Variants in PSMD11 observed in about 807,000 individuals in gnomAD.
The protein encoded by PSMD11 is 26S proteasome non-ATPase regulatory subunit 11.
Under a neutral mutation model 62.3 loss-of-function variants are expected in PSMD11, and 5 were observed. The observed-to-expected ratio is 0.08, with a 90% CI of 0.04 to 0.17. The LOEUF (loss-of-function observed/expected upper bound fraction) is 0.17, where lower values mean the gene tolerates loss of function less well. Among genes scored for constraint, PSMD11 ranks in the 10% least tolerant of loss-of-function variants. The pLI, the probability that PSMD11 is intolerant of heterozygous loss-of-function variation, is 1.00. For synonymous variants in PSMD11, 191 were observed against 191.8 expected (o/e 1.00, Z 0.03); for missense variants, 310 against 512.9 (o/e 0.60, Z 3.82).
At chr17:32,477,362 C>T in intron 8 of PSMD11, 159 bp from the exon 9 acceptor site, 1 of 519,298 alleles carries the variant, frequency 1.9e-6, no homozygotes, top group Non-Finnish European at 3.3e-6. Flanking sequence ...GTATTCAGTA[C>T]TTGCGGCTCT....
Position 32,480,615 on chromosome 17 carries a change from C to A in PSMD11, c.1253C>A (p.Ala418Asp). Residue 418 changes from alanine to aspartate, a missense_variant, in exon 13 of 14, where the codon GCC becomes GAC. Ala to Asp is a moderately radical substitution (Grantham distance 126, BLOSUM62 -2). Coordinates refer to ENST00000261712, the MANE Select transcript of PSMD11 (RefSeq NM_002815.4). ...SKVVDSLYNK[A>D]KKLT ...GTAGTGGATTCCCTCTACAACAAAGCCAAGAAACTGACATAGGTGAGTGCT... is the reference window on the plus strand; with the variant it reads ...GTAGTGGATTCCCTCTACAACAAAGACAAGAAACTGACATAGGTGAGTGCT... 1 of 1,614,158 alleles carries A rather than the reference C, an allele frequency of 6.2e-7. No individual in the cohort carries two copies. Among genetic ancestry groups the A allele is most frequent in the Non-Finnish European group, 8.5e-7 (1 of 1,180,032 alleles).
chr17:32,464,504 C>G lies in PSMD11; in HGVS notation c.391-17C>G. ...CTTTTTCCCCCCCCTTCAATCAATG[C>G]CTTTTCTCTTTCCTAGGCAAGACTG... On this transcript the variant is annotated splice_polypyrimidine_tract_variant and intron_variant, in intron 4 of 13. Transcript: ENST00000261712. The G allele has an allele frequency of 6.3e-7, 1 of 1,583,854 alleles. No individual in the cohort carries two copies. The highest frequency in any genetic ancestry group is 8.6e-7 in the Non-Finnish European group (1 of 1,160,506).
In PSMD11 at chr17:32,469,110, G is replaced by A; in HGVS notation, c.560G>A (p.Arg187Gln). 6.2e-6 allele frequency: 10 copies of A among 1,614,058 alleles called. No homozygotes were observed. The highest frequency in any genetic ancestry group is 8.5e-6 in the Non-Finnish European group (10 of 1,180,014). The change falls in exon 6 of 14, where the codon CGA (arginine) becomes CAA (glutamine). Residue 187 changes from arginine (R) to glutamine (Q), a missense_variant. Arg to Gln is a conservative substitution (Grantham distance 43). This residue lies in a region of PSMD11 where 47 missense variants were observed against 117.7 expected (regional missense o/e 0.40). Coordinates refer to ENST00000261712, the MANE Select transcript of PSMD11 (RefSeq NM_002815.4). ...GCCCTGAGCAACCTGCCGAAAGCCC[G>A]AGCTGCCTTAACTTCTGCTCGAACC... ...YHALSNLPKA[R>Q]AALTSARTTA... is the part of the protein sequence containing the mutation.
In PSMD11 at chr17:32,454,804, T is replaced by C. The variant is rs1233413436; in HGVS notation, c.318+185T>C. ...CTTTGGGTCTGTTCCATGCTTTGCT[T>C]TGTAAGTGGAGATTGTCAGTGGTCC... On this transcript the variant is annotated intron_variant, in intron 3 of 13. Coordinates refer to ENST00000261712, the MANE Select transcript of PSMD11 (RefSeq NM_002815.4). The C allele has an allele frequency of 5.4e-6, 3 of 554,432 alleles. No individual in the cohort carries two copies. In the Admixed American group the frequency reaches 1.1e-4, roughly 21 times the overall value. 34.3% of individuals were successfully genotyped at this position (554,432 alleles called of 1,614,324 possible). A position where few individuals can be genotyped will look rare whatever the true frequency, so the allele number is the denominator to read the frequency against.
intron 8 of PSMD11, chr17:32,476,927 G>C (rs989288823): frequency 3.3e-5 from 5 of 152,244 alleles, no homozygotes; most frequent in African/African-American, 1.2e-4. Flanking sequence ...ACTATGCCCG[G>C]CTAAGTAGAG....
At chr17:32,470,957 G>A (rs1019415289) in intron 6 of PSMD11, among the ~76,000 whole-genome samples, 21 of 152,258 alleles carry the variant, frequency 1.4e-4, no homozygotes, top group Admixed American at 4.6e-4. Context: ...CTGGAAGGAC[G>A]CATCACTCAA....
intron 1 of PSMD11, 124 bp from the exon 2 acceptor site, chr17:32,446,821 A>G (rs1416018171): frequency 3.3e-6 from 1 of 303,578 alleles, no homozygotes; most frequent in African/African-American, 2.7e-5. Context: ...TTTTTTTTTT[A>G]ACTCTAGAAT....
rs199657031 is a variant in PSMD11, at chr17:32,466,933, T to TTTTG, written c.449-2046_449-2043dup. On this transcript the variant is annotated intron_variant, in intron 5 of 13. Coordinates refer to ENST00000261712, the MANE Select transcript of PSMD11 (RefSeq NM_002815.4). ...TTTTGCTCCTTCGTATGTCTTGTTTTTTTGTTTGTTTGTTTGTTTGTTTTT... is the reference window on the plus strand; with the variant it reads ...TTTTGCTCCTTCGTATGTCTTGTTTTTTTGTTTGTTTGTTTGTTTGTTTGTTTTT... 1.8e-3 allele frequency among the ~76,000 whole-genome samples: 277 copies of TTTTG among 152,276 alleles called. 5 individuals are homozygous for TTTTG. The East Asian group carries it at 0.036, about 20-fold the overall frequency.
chr17:32,464,243 T>G, intron 4 of PSMD11, 123 bp downstream of exon 4: 1 of 950,670 alleles, frequency 1.1e-6, no homozygotes, highest in East Asian at 2.5e-5. Context: ...ACCGAAAGAT[T>G]ATTGATGGTA....
intron 6 of PSMD11, among the ~76,000 whole-genome samples, chr17:32,472,577 G>A (rs1483855990): frequency 6.7e-6 from 1 of 148,796 alleles, no homozygotes; most frequent in Non-Finnish European, 1.5e-5. Context: ...TCACTCTGTC[G>A]CCCAAGTTGG....
chr17:32,467,666 C>T (rs998254869), intron 5 of PSMD11, among the ~76,000 whole-genome samples: 1 of 152,300 alleles, frequency 6.6e-6, no homozygotes, highest in East Asian at 1.9e-4. Context: ...GGATGGAGTA[C>T]AGTGGTGCAG....
intron 3 of PSMD11, among the ~76,000 whole-genome samples, chr17:32,459,226 C>T (rs1485142278): frequency 6.7e-6 from 1 of 149,138 alleles, no homozygotes; most frequent in Non-Finnish European, 1.5e-5. Context: ...ACCTATTTGT[C>T]AAAGGAATGT....
At chr17:32,445,423 G>A (rs1257833789) in intron 1 of PSMD11, 1 of 152,162 alleles carries the variant, frequency 6.6e-6, no homozygotes, top group African/African-American at 2.4e-5. Context: ...CATGTTGCCG[G>A]AAAAATTAAA....
chr17:32,446,590 A>G (rs1040124525), intron 1 of PSMD11, among the ~76,000 whole-genome samples: 3 of 152,224 alleles, frequency 2.0e-5, no homozygotes, highest in Non-Finnish European at 4.4e-5. Context: ...AGTGACTGGA[A>G]CAGATCTTGG....
intron 7 of PSMD11, among the ~76,000 whole-genome samples, 165 bp from the exon 8 acceptor site, chr17:32,474,599 C>T (rs1428570990): frequency 6.6e-6 from 1 of 152,134 alleles, no homozygotes; most frequent in African/African-American, 2.4e-5. Context: ...TGGAGAAAAC[C>T]TAGCTTTTGC....
chr17:32,448,584 G>A (rs905843686), intron 2 of PSMD11, among the ~76,000 whole-genome samples: 4 of 152,020 alleles, frequency 2.6e-5, no homozygotes, highest in Admixed American at 6.6e-5. Context: ...TGTTGGTCAG[G>A]CTGGTCTTGA....
chr17:32,452,266 A>G (rs1907527351), intron 2 of PSMD11, among the ~76,000 whole-genome samples: 1 of 152,220 alleles, frequency 6.6e-6, no homozygotes, highest in South Asian at 2.1e-4. Flanking sequence ...GAGGAATGAT[A>G]TAGACTGTAT....
intron 7 of PSMD11, among the ~76,000 whole-genome samples, chr17:32,474,356 T>TA (rs1310376748): frequency 6.6e-6 from 1 of 152,216 alleles, no homozygotes; most frequent in African/African-American, 2.4e-5. Context: ...CAGACCTACT[T>TA]ATAAAGAAGT....
intron 8 of PSMD11, among the ~76,000 whole-genome samples, chr17:32,476,155 C>T (rs904936537): frequency 1.3e-5 from 2 of 152,058 alleles, no homozygotes; most frequent in Non-Finnish European, 2.9e-5. Flanking sequence ...GTAATCCCAG[C>T]TACTCAGGAG....
Sources: allele counts gnomAD v4.1 joint callset (sites outside exome capture counted in the v4.1 genomes callset), GRCh38; gene constraint gnomAD v4.1.1; regional missense constraint gnomAD v4.1.1; transcripts MANE v1.5; gene names NCBI Gene and HGNC (gene_info 2026-07-23, HGNC 2026-07-21).